The following ERCC8 variants were observed in gnomAD, a reference collection of about 807,000 sequenced individuals.
ERCC8 encodes the protein ERCC excision repair 8, CSA ubiquitin ligase complex subunit.
ERCC8 carries 52 observed loss-of-function variants against 54.9 expected under a neutral mutation model. That is an observed-to-expected ratio of 0.95 (90% CI 0.76 to 1.19). ERCC8 has a LOEUF of 1.19. ERCC8 is among the 50% of genes most tolerant of loss of function. The probability of loss-of-function intolerance (pLI) is 0.00; values close to 1 mark genes in which losing one functional copy is unlikely to be tolerated. For missense variants in ERCC8, 514 were observed against 466.1 expected (o/e 1.10, Z -0.95); for synonymous variants, 146 against 157.2 (o/e 0.93, Z 0.53).
chr5:60,933,938 T>TACACACACACAC (rs70977815), intron 1 of ERCC8, among the ~76,000 whole-genome samples: 1 of 151,000 alleles, frequency 6.6e-6, no homozygotes, highest in Non-Finnish European at 1.5e-5. Context: ...TATTCCATGA[T>TACACACACACAC]ACACACACAC....
intron 1 of ERCC8, among the ~76,000 whole-genome samples, chr5:60,943,203 C>T (rs968617361): frequency 6.6e-6 from 1 of 151,948 alleles, no homozygotes; most frequent in African/African-American, 2.4e-5. Flanking sequence ...CCTGGAAAGT[C>T]GAGGCTGCAG....
rs1231887020 is a variant in ERCC8 at position 60,938,350 on chromosome 5, A to ATT, written c.77+6580_77+6581dup. 7.4e-3 allele frequency among the ~76,000 whole-genome samples: 303 copies of ATT among 40,954 alleles called. 1 individual carries two copies. The highest frequency in any genetic ancestry group is 0.012 in the Middle Eastern group (1 of 82). 26.9% of individuals were successfully genotyped at this position (40,954 alleles called of 152,430 possible). On this transcript the variant is annotated intron_variant, in intron 1 of 11. Coordinates refer to ENST00000676185, the MANE Select transcript of ERCC8 (RefSeq NM_000082.4). ...GCCTGTAAGATAGCTACCTTTTTGA[A>ATT]TTTTTTTTTTTTTTTTTTTTTTGAG... is the stretch of plus-strand genomic sequence containing the variant.
chr5:60,901,603 A>G (rs1239852727), intron 7 of ERCC8, among the ~76,000 whole-genome samples: 2 of 151,928 alleles, frequency 1.3e-5, no homozygotes, highest in Non-Finnish European at 2.9e-5. Flanking sequence ...CAAAGCTACA[A>G]AGTTAACTGT....
At chr5:60,939,493 T>C (rs4647055) in intron 1 of ERCC8, among the ~76,000 whole-genome samples, 138 of 152,232 alleles carry the variant, frequency 9.1e-4, no homozygotes, top group African/African-American at 3.1e-3. Flanking sequence ...TTTTAATTTT[T>C]AGATAACTTT....
At chr5:60,902,616 G>A in intron 6 of ERCC8, 108 bp from the exon 7 acceptor site, 2 of 835,920 alleles carry the variant, frequency 2.4e-6, no homozygotes, top group African/African-American at 1.7e-5. Context: ...AATATTCAAT[G>A]TGAATAGATA....
chr5:60,938,441 T>A (rs1197266104), intron 1 of ERCC8, among the ~76,000 whole-genome samples: 4 of 150,436 alleles, frequency 2.7e-5, no homozygotes, highest in Admixed American at 2.0e-4. Context: ...GCAACCTCTG[T>A]CTCCAGAGTT....
At chr5:60,895,604 T>C (rs529239440) in intron 9 of ERCC8, among the ~76,000 whole-genome samples, 1 of 152,342 alleles carries the variant, frequency 6.6e-6, no homozygotes, top group South Asian at 2.1e-4. Flanking sequence ...AGTAAGTTCC[T>C]AGATTAATTC....
chr5:60,924,954 T>C (rs1337790063), intron 2 of ERCC8, among the ~76,000 whole-genome samples: 3 of 152,160 alleles, frequency 2.0e-5, no homozygotes, highest in Non-Finnish European at 4.4e-5. Flanking sequence ...AACTTTTACC[T>C]AGTTTTGAAA....
chr5:60,902,944 T>C (rs1355323455), intron 6 of ERCC8, among the ~76,000 whole-genome samples: 1 of 152,028 alleles, frequency 6.6e-6, no homozygotes, highest in Non-Finnish European at 1.5e-5. Context: ...AATGTTTTTT[T>C]CTAGAAAGCA....
At chr5:60,918,468 G>T in intron 3 of ERCC8, 80 bp from the exon 4 acceptor site, 2 of 1,256,252 alleles carry the variant, frequency 1.6e-6, no homozygotes, top group Non-Finnish European at 2.3e-6. Context: ...ACAAGTAGTA[G>T]TCTCAGGTAG....
chr5:60,934,236 T>C (rs767285347), intron 1 of ERCC8, among the ~76,000 whole-genome samples: 1 of 152,204 alleles, frequency 6.6e-6, no homozygotes, highest in Non-Finnish European at 1.5e-5. Context: ...ACCATATCCA[T>C]GCCAACATCT....
chr5:60,893,799 C>T (rs1027481125), intron 9 of ERCC8, among the ~76,000 whole-genome samples: 136 of 152,256 alleles, frequency 8.9e-4, no homozygotes, highest in African/African-American at 3.1e-3. Flanking sequence ...TTTTTTCATA[C>T]ACATAATATA....
intron 4 of ERCC8, 86 bp downstream of exon 4, chr5:60,918,179 C>G (rs1561510230): frequency 9.3e-7 from 1 of 1,077,870 alleles, no homozygotes; most frequent in Non-Finnish European, 1.4e-6. Flanking sequence ...TATATGACAT[C>G]TCAGCAAATA....
Position 60,926,013 on chromosome 5 carries a change from C to T in ERCC8, c.173+2851G>A, listed in dbSNP as rs140228606. ...TAATTTTTTCTATTTTTAGTAGAGA[C>T]GGGGTTTCACCACGTTGGCCAGGCT... On this transcript the variant is annotated intron_variant, in intron 2 of 11. Coordinates refer to ENST00000676185, the MANE Select transcript of ERCC8 (RefSeq NM_000082.4). Among the ~76,000 whole-genome samples, 647 of 151,980 alleles carry T rather than the reference C, an allele frequency of 4.3e-3. 5 individuals are homozygous for T. Among genetic ancestry groups the T allele is most frequent in the African/African-American group, 0.015 (623 of 41,446 alleles).
In ERCC8 at chr5:60,872,021, T is replaced by G. The variant is rs1478829198; in HGVS notation, c.*2594A>C. Among the ~76,000 whole-genome samples the G allele has an allele frequency of 6.6e-6, 1 of 152,120 alleles. No homozygotes were observed. The highest frequency in any genetic ancestry group is 1.5e-5 in the Non-Finnish European group (1 of 68,016). On this transcript the variant is annotated 3_prime_UTR_variant, in exon 12 of 12. Transcript: ENST00000676185. ...TTTGCCATGTTGCCCAGGCTGGTCTTGAACTCCTGAGCTCAAGTGATCTGC... is the reference window on the plus strand; with the variant it reads ...TTTGCCATGTTGCCCAGGCTGGTCTGGAACTCCTGAGCTCAAGTGATCTGC...
chr5:60,919,802 A>G (rs1749550029), intron 3 of ERCC8, among the ~76,000 whole-genome samples: 1 of 151,944 alleles, frequency 6.6e-6, no homozygotes, highest in African/African-American at 2.4e-5. Flanking sequence ...GAAGAGGATG[A>G]TCACCTTTTT....
chr5:60,923,293 G>A (rs192671793), intron 2 of ERCC8, among the ~76,000 whole-genome samples: 1 of 152,168 alleles, frequency 6.6e-6, no homozygotes, highest in Admixed American at 6.6e-5. Flanking sequence ...TACATTGATT[G>A]AACTTAATAA....
rs936725939 is a variant in ERCC8, at chr5:60,891,966, G to A, written c.844-880C>T. The A allele has an allele frequency of 7.6e-6, 4 of 528,878 alleles. No homozygotes were observed. The Admixed American group carries it at 7.8e-5, about 10-fold the overall frequency. 32.8% of individuals were successfully genotyped at this position (528,878 alleles called of 1,614,324 possible). ...CACTGCCATCAGCATTGCCAGAGAG[G>A]TGGAGGGCAGACATCATGGAATCAG... is the stretch of plus-strand genomic sequence containing the variant. On this transcript the variant is annotated intron_variant, in intron 9 of 11. Coordinates refer to ENST00000676185, the MANE Select transcript of ERCC8 (RefSeq NM_000082.4).
intron 9 of ERCC8, chr5:60,891,952 G>A (rs767351074): frequency 1.5e-5 from 8 of 525,858 alleles, no homozygotes; most frequent in Non-Finnish European, 3.1e-5. Context: ...ACTGCCATCA[G>A]CATTGCCAGA....
Sources: allele counts gnomAD v4.1 joint callset (sites outside exome capture counted in the v4.1 genomes callset), GRCh38; gene constraint gnomAD v4.1.1; transcripts MANE v1.5; gene names NCBI Gene and HGNC (gene_info 2026-07-23, HGNC 2026-07-21).